Variants in CXADR observed in about 807,000 individuals in gnomAD.
CXADR encodes CXADR cell adhesion molecule.
CXADR carries 20 observed loss-of-function variants against 40.3 expected under a neutral mutation model. That is an observed-to-expected ratio of 0.50 (90% CI 0.35 to 0.72). The LOEUF (loss-of-function observed/expected upper bound fraction) is 0.72. CXADR is among the 30% of genes least tolerant of loss of function. The probability of loss-of-function intolerance (pLI) is 0.01; values close to 1 mark genes in which losing one functional copy is unlikely to be tolerated. For synonymous variants in CXADR, 150 were observed against 161.3 expected, an observed-to-expected ratio of 0.93 and a Z score of 0.53; for missense variants, 332 against 449.1, an observed-to-expected ratio of 0.74 and a Z score of 2.36.
the CXADR span, chr21:17,613,745 A>T: frequency 0.16 from 24,375 of 152,190 alleles, 2,083 homozygotes; most frequent in Middle Eastern, 0.22. Context: ...GAAAAGAAGG[A>T]ACATCTTTTC....
chr21:17,617,165 G>A, the CXADR span, among the ~76,000 whole-genome samples: 1 of 152,158 alleles, frequency 6.6e-6, no homozygotes, highest in Non-Finnish European at 1.5e-5. Context: ...TAATTGGTTA[G>A]GATTTATGTG....
intron 6 of CXADR, 41 bp downstream of exon 6, chr21:17,561,517 A>G (rs1486951929): frequency 1.3e-6 from 2 of 1,534,250 alleles, no homozygotes; most frequent in South Asian, 2.4e-5. Context: ...TATACCAAAT[A>G]TATGTCATTT....
intron 1 of CXADR, among the ~76,000 whole-genome samples, chr21:17,534,743 A>C (rs900117798): frequency 6.6e-6 from 1 of 151,632 alleles, no homozygotes; most frequent in African/African-American, 2.4e-5. Flanking sequence ...TCTACTTATA[A>C]ATCTTTTAAC....
chr21:17,601,724 TAACAA>T, the CXADR span, among the ~76,000 whole-genome samples: 1 of 152,138 alleles, frequency 6.6e-6, no homozygotes. Context: ...GACACTAATA[TAACAA>T]TGACTTAGGC....
the CXADR span, among the ~76,000 whole-genome samples, chr21:17,599,681 T>C: frequency 6.6e-6 from 1 of 152,144 alleles, no homozygotes; most frequent in African/African-American, 2.4e-5. Flanking sequence ...GGTTTCACCA[T>C]GCTGGCCAGG....
chr21:17,536,947 G>A (rs1475033998), intron 1 of CXADR, among the ~76,000 whole-genome samples: 6 of 152,110 alleles, frequency 3.9e-5, no homozygotes, highest in Middle Eastern at 3.4e-3. Flanking sequence ...TAATAGAGAC[G>A]CGGTTTCACC....
downstream of CXADR, chr21:17,594,258 C>T (rs1370621048): frequency 1.2e-6 from 2 of 1,613,216 alleles, no homozygotes; most frequent in Non-Finnish European, 1.7e-6. Flanking sequence ...GATGGCCATT[C>T]CCTCGATACA....
chr21:17,624,232 C>T, the CXADR span, among the ~76,000 whole-genome samples: 9 of 149,614 alleles, frequency 6.0e-5, no homozygotes, highest in South Asian at 1.9e-3. Flanking sequence ...AATCAAGTCT[C>T]ACAGTATTAG....
chr21:17,528,466 C>G (rs950017901), intron 1 of CXADR, among the ~76,000 whole-genome samples: 1 of 151,680 alleles, frequency 6.6e-6, no homozygotes, highest in Non-Finnish European at 1.5e-5. Flanking sequence ...AGTGCAGTGG[C>G]GCGATCTCGG....
At chr21:17,600,846 T>C in the CXADR span, among the ~76,000 whole-genome samples, 1 of 152,150 alleles carries the variant, frequency 6.6e-6, no homozygotes, top group Non-Finnish European at 1.5e-5. Context: ...CGCTTTTGTA[T>C]TCTTTTTTAG....
At chr21:17,547,762 A>AT (rs35567441) in intron 2 of CXADR, among the ~76,000 whole-genome samples, 72,123 of 151,808 alleles carry the variant, frequency 0.48, 20,660 homozygotes, top group Non-Finnish European at 0.63. Flanking sequence ...TTTTAAATTT[A>AT]TTTTTTTTAC....
At chr21:17,600,009 A>ATAACT in the CXADR span, among the ~76,000 whole-genome samples, 1 of 152,206 alleles carries the variant, frequency 6.6e-6, no homozygotes, top group African/African-American at 2.4e-5. Context: ...GTTTCCTAGG[A>ATAACT]TAACTACTCA....
chr21:17,560,018 T>C (rs1331787887), intron 4 of CXADR, among the ~76,000 whole-genome samples: 1 of 151,876 alleles, frequency 6.6e-6, no homozygotes, highest in Non-Finnish European at 1.5e-5. Flanking sequence ...ACAACTTAGA[T>C]GGTGGCTAAA....
chr21:17,600,908 A>C, the CXADR span, among the ~76,000 whole-genome samples: 1 of 152,198 alleles, frequency 6.6e-6, no homozygotes, highest in Admixed American at 6.5e-5. Context: ...TCATGCCTGT[A>C]ATCCCAGCAC....
intron 1 of CXADR, among the ~76,000 whole-genome samples, chr21:17,534,100 ATTTTT>A (rs1157117899): frequency 6.7e-5 from 4 of 60,060 alleles, no homozygotes; most frequent in South Asian, 7.2e-4. Context: ...ATATATATAT[ATTTTT>A]TTTTTTTTTT....
intron 3 of CXADR, 119 bp from the exon 4 acceptor site, chr21:17,558,857 T>C: frequency 9.9e-7 from 1 of 1,011,374 alleles, no homozygotes; most frequent in Non-Finnish European, 1.4e-6. Flanking sequence ...TCTTTCATTC[T>C]TTTGTGAATT....
intron 7 of CXADR, among the ~76,000 whole-genome samples, chr21:17,575,947 G>A (rs11701848): frequency 0.082 from 12,433 of 151,472 alleles, 734 homozygotes; most frequent in African/African-American, 0.16. Flanking sequence ...AATTAGCCAG[G>A]CATGGTGGTG....
chr21:17,594,184 T>C (rs772841259), downstream of CXADR: 7 of 1,613,302 alleles, frequency 4.3e-6, no homozygotes, highest in Non-Finnish European at 5.1e-6. Flanking sequence ...AATTGGGCGA[T>C]ATGGTTTATT....
At chr21:17,609,958 T>C in the CXADR span, among the ~76,000 whole-genome samples, 60 of 152,216 alleles carry the variant, frequency 3.9e-4, no homozygotes, top group African/African-American at 1.4e-3. Flanking sequence ...GGACAAATAC[T>C]GTGGTATATA....
Sources: gnomAD v4.1 joint callset for allele counts (sites outside exome capture counted in the v4.1 genomes callset) on GRCh38, gnomAD v4.1.1 for gene constraint, MANE v1.5 for transcripts, NCBI Gene and HGNC (gene_info 2026-07-23, HGNC 2026-07-21) for gene names.